RNF157: variants seen among roughly 807,000 people sequenced by gnomAD.
RNF157 encodes the protein ring finger protein 157.
Under a neutral mutation model 88.3 loss-of-function variants are expected in RNF157, and 55 were observed. The observed-to-expected ratio is 0.62, with a 90% CI of 0.50 to 0.78. The LOEUF is 0.78. Ranked by LOEUF, RNF157 falls within the 30% of genes least tolerant of loss-of-function variation. The pLI, the probability that RNF157 is intolerant of heterozygous loss-of-function variation, is 0.00. For synonymous variants in RNF157, 334 were observed against 341.2 expected (o/e 0.98, Z 0.23); for missense variants, 788 against 860.8 (o/e 0.92, Z 1.06).
At chr17:76,166,828 G>C (rs1180462674) in intron 5 of RNF157, among the ~76,000 whole-genome samples, 181 bp downstream of exon 5, 2 of 152,016 alleles carry the variant, frequency 1.3e-5, no homozygotes, top group African/African-American at 4.8e-5. Flanking sequence ...AATTAACAAA[G>C]TTAGGTATAT....
intron 16 of RNF157, 136 bp from the exon 17 acceptor site, chr17:76,154,464 T>G (rs2068730740): frequency 2.8e-6 from 2 of 707,222 alleles, no homozygotes; most frequent in East Asian, 5.0e-5. Context: ...CATCTGTGTT[T>G]AATATGCCTC....
intron 2 of RNF157, among the ~76,000 whole-genome samples, chr17:76,207,579 T>C (rs780005219): frequency 1.2e-4 from 19 of 152,250 alleles, no homozygotes; most frequent in Non-Finnish European, 2.1e-4. Flanking sequence ...TATAGCTTAA[T>C]ATAACAATTC....
Position 76,161,974 on chromosome 17 carries a change from C to G in RNF157, c.821G>C (p.Ser274Thr). ...KVAEDEVSDN[S>T]AECVVCLSDV... ...CGAGAGACACACCACACACTCGGCA[C>G]TGTTATCACTCACTTCGTCTTCAGC... Residue 274 changes from serine to threonine, a missense_variant, in exon 10 of 19, where the codon AGT (serine) becomes ACT (threonine). Physicochemically the swap from Ser to Thr is moderately conservative, Grantham distance 58. Transcript: ENST00000269391. The surrounding 1 kb of genome is among the most constrained non-coding windows in gnomAD (Gnocchi z 4.6). The G allele has an allele frequency of 6.2e-7, 1 of 1,614,166 alleles. No individual in the cohort carries two copies. The highest frequency in any genetic ancestry group is 8.5e-7 in the Non-Finnish European group (1 of 1,180,004).
chr17:76,205,295 C>A (rs577997565), intron 2 of RNF157, among the ~76,000 whole-genome samples: 2 of 151,928 alleles, frequency 1.3e-5, no homozygotes, highest in East Asian at 1.9e-4. Context: ...TGTACCACCA[C>A]CCCTGGCTAA....
At chr17:76,198,476 G>A (rs1004481875) in intron 2 of RNF157, among the ~76,000 whole-genome samples, 3 of 152,160 alleles carry the variant, frequency 2.0e-5, no homozygotes, top group African/African-American at 7.2e-5. Flanking sequence ...TGCACATAAA[G>A]TGGGAAAATC....
rs1235481691 is a variant in RNF157 at position 76,240,199 on chromosome 17, C to T, written c.42G>A (p.Glu14=). The T allele has an allele frequency of 1.4e-6, 2 of 1,411,966 alleles. No homozygotes were observed. The highest frequency in any genetic ancestry group is 9.4e-7 in the Non-Finnish European group (1 of 1,068,280). The allele number at this position is 1,411,966 out of a possible 1,614,324, so 87.5% of individuals were successfully genotyped here. A position where few individuals can be genotyped will look rare whatever the true frequency, so the allele number is the denominator to read the frequency against. The change falls in exon 1 of 19, where the codon GAG becomes GAA. Residue 14 remains glutamate (E), a synonymous_variant. Coordinates refer to ENST00000269391, the MANE Select transcript of RNF157 (RefSeq NM_052916.3). This position sits in a 1 kb window ranked among gnomAD's most constrained non-coding sequence, Gnocchi z 4.4. ...ACACGGAATTAGACGGGATGTCCAC[C>T]TCCTCCACGCCCGCGTGCTGCCGGC... The part of the protein sequence containing the change: ...LTSRQHAGVE[E]VDIPSNSVYR...
At chr17:76,224,951 C>G (rs2070053887) in intron 1 of RNF157, among the ~76,000 whole-genome samples, 1 of 152,080 alleles carries the variant, frequency 6.6e-6, no homozygotes. Flanking sequence ...GTGGGCAGAT[C>G]ACTTGAGGTC....
Position 76,186,540 on chromosome 17 carries a change from C to CAAA in RNF157, c.208-12753_208-12751dup, listed in dbSNP as rs1053215331. Among the ~76,000 whole-genome samples the CAAA allele has an allele frequency of 6.1e-4, 92 of 151,802 alleles. 1 individual carries two copies. Among genetic ancestry groups the CAAA allele is most frequent in the Admixed American group, 2.2e-3 (34 of 15,196 alleles). ...AAAACAAAACGAAACAAAAAAACCC[C>CAAA]AAAAAAACTACTTATGTAAGATTCA... On this transcript the variant is annotated intron_variant, in intron 2 of 18. Coordinates refer to ENST00000269391, the MANE Select transcript of RNF157 (RefSeq NM_052916.3).
intron 1 of RNF157, among the ~76,000 whole-genome samples, chr17:76,231,826 A>G (rs928831684): frequency 6.6e-6 from 1 of 152,204 alleles, no homozygotes; most frequent in Non-Finnish European, 1.5e-5. Context: ...TGATTTTGGC[A>G]ACCATCATCA....
intron 5 of RNF157, 109 bp from the exon 6 acceptor site, chr17:76,166,636 G>A: frequency 1.1e-6 from 1 of 907,134 alleles, no homozygotes; most frequent in Non-Finnish European, 1.7e-6. Context: ...TCTCATCTCT[G>A]CTCCTCATTC....
chr17:76,200,009 G>C (rs909787042), intron 2 of RNF157, among the ~76,000 whole-genome samples: 1 of 152,008 alleles, frequency 6.6e-6, no homozygotes, highest in Non-Finnish European at 1.5e-5. Flanking sequence ...AGGCCGAGGC[G>C]GGCGGATCAC....
chr17:76,201,101 A>T (rs180864412), intron 2 of RNF157, among the ~76,000 whole-genome samples: 1 of 152,264 alleles, frequency 6.6e-6, no homozygotes, highest in South Asian at 2.1e-4. Flanking sequence ...CTCTACTTAG[A>T]AGTATTTCCA....
chr17:76,228,067 T>G (rs2070124283), intron 1 of RNF157, among the ~76,000 whole-genome samples: 1 of 152,194 alleles, frequency 6.6e-6, no homozygotes, highest in Non-Finnish European at 1.5e-5. Flanking sequence ...AATTCATAGA[T>G]GTAGACTTTG....
chr17:76,169,592 T>C (rs1024311023), intron 3 of RNF157, among the ~76,000 whole-genome samples: 2 of 150,092 alleles, frequency 1.3e-5, no homozygotes, highest in Non-Finnish European at 3.0e-5. Context: ...TTTTTTTTTT[T>C]TTTTTGAGAT....
intron 2 of RNF157, among the ~76,000 whole-genome samples, chr17:76,199,751 T>C (rs2069540530): frequency 6.6e-6 from 1 of 152,090 alleles, no homozygotes; most frequent in Admixed American, 6.5e-5. Context: ...CACCTGCTCA[T>C]GCTACTGGGA....
At chr17:76,158,292 T>C in intron 13 of RNF157, 101 bp downstream of exon 13, 2 of 793,040 alleles carry the variant, frequency 2.5e-6, no homozygotes, top group Non-Finnish European at 4.4e-6. Flanking sequence ...TGACAAGGTG[T>C]TTGATGAGTG....
At position 76,167,010 on chromosome 17, in the gene RNF157, T is replaced by A. The variant is rs746273573; in HGVS notation, c.560A>T (p.Glu187Val). The A allele has an allele frequency of 1.2e-6, 2 of 1,601,764 alleles. No individual in the cohort carries two copies. The highest frequency in any genetic ancestry group is 3.4e-5 in the Admixed American group (2 of 58,074). The change falls in exon 5 of 19, where the codon GAG (glutamate) becomes GTG (valine). Residue 187 changes from glutamate to valine, a missense_variant and splice_region_variant. Glu to Val is a moderately radical substitution (Grantham distance 121). Coordinates refer to ENST00000269391, the MANE Select transcript of RNF157 (RefSeq NM_052916.3). Reference sequence around the variant, plus strand: ...AAACCCTCCCCAGAGGCAGCTCACCTCCTCTTCGGCCCACTCGGAGGGATC... The same window carrying A: ...AAACCCTCCCCAGAGGCAGCTCACCACCTCTTCGGCCCACTCGGAGGGATC... ...TVDPSEWAEE[E>V]LGFDLDREVY... is the part of the protein sequence containing the mutation.
At position 76,155,613 on chromosome 17, in the gene RNF157, C is replaced by T. The variant is rs1212326042; in HGVS notation, c.1647G>A (p.Glu549=). The T allele has an allele frequency of 6.2e-7, 1 of 1,613,572 alleles. No homozygotes were observed. Among genetic ancestry groups the T allele is most frequent in the Non-Finnish European group, 8.5e-7 (1 of 1,179,910 alleles). ...YIAPGTEEEG[E]ALSSPQPASR... is the part of the protein sequence containing the mutation. Reference sequence around the variant, plus strand: ...TGGCAGGCTGGGGGGAAGAGAGAGCCTCTCCCTCCTCTTCAGTGCCAGGGG... The same window carrying T: ...TGGCAGGCTGGGGGGAAGAGAGAGCTTCTCCCTCCTCTTCAGTGCCAGGGG... The change falls in exon 15 of 19, where the codon GAG becomes GAA. Residue 549 remains glutamate, a synonymous_variant. Transcript: ENST00000269391.
chr17:76,191,872 G>A (rs976133128), intron 2 of RNF157, among the ~76,000 whole-genome samples: 1 of 152,212 alleles, frequency 6.6e-6, no homozygotes, highest in Non-Finnish European at 1.5e-5. Flanking sequence ...GACCATCTTA[G>A]AGAATGAAGT....
Sources: allele counts gnomAD v4.1 joint callset (sites outside exome capture counted in the v4.1 genomes callset), GRCh38; gene constraint gnomAD v4.1.1; non-coding constraint Gnocchi (gnomAD v3.1); transcripts MANE v1.5; gene names NCBI Gene and HGNC (gene_info 2026-07-23, HGNC 2026-07-21).